The following SEZ6L variants were observed in gnomAD, a reference collection of about 807,000 sequenced individuals.
The protein encoded by SEZ6L is seizure 6-like protein.
SEZ6L carries 37 observed loss-of-function variants against 106.2 expected under a neutral mutation model. That is an observed-to-expected ratio of 0.35 (90% confidence interval 0.27 to 0.46). The LOEUF is 0.46. Ranked by LOEUF, SEZ6L falls within the 20% of genes least tolerant of loss-of-function variation. The probability of loss-of-function intolerance (pLI) is 1.00; values close to 1 mark genes in which losing one functional copy is unlikely to be tolerated. For missense variants in SEZ6L, 1,172 were observed against 1,332.8 expected, an observed-to-expected ratio of 0.88 and a Z score of 1.88; for synonymous variants, 541 against 570.4, an observed-to-expected ratio of 0.95 and a Z score of 0.73.
intron 9 of SEZ6L, among the ~76,000 whole-genome samples, chr22:26,321,907 C>T (rs888678245): frequency 6.6e-6 from 1 of 152,114 alleles, no homozygotes; most frequent in African/African-American, 2.4e-5. Flanking sequence ...TCTCCCTCTT[C>T]GTCTACTGGG....
At chr22:26,237,983 A>G (rs1569408050) in intron 1 of SEZ6L, among the ~76,000 whole-genome samples, 2 of 152,182 alleles carry the variant, frequency 1.3e-5, no homozygotes, top group African/African-American at 2.4e-5. Context: ...ATTTTCCACC[A>G]TCAAGCCTGC....
At chr22:26,349,398 G>T (rs2083198300) in intron 11 of SEZ6L, among the ~76,000 whole-genome samples, 1 of 152,192 alleles carries the variant, frequency 6.6e-6, no homozygotes, top group Non-Finnish European at 1.5e-5. Context: ...GTAGTAAAAT[G>T]ATAGAATAGA....
At chr22:26,303,736 C>G (rs1174202091) in intron 5 of SEZ6L, among the ~76,000 whole-genome samples, 1 of 152,156 alleles carries the variant, frequency 6.6e-6, no homozygotes, top group South Asian at 2.1e-4. Context: ...AGCAAACAAA[C>G]AAAAAGTAGT....
chr22:26,209,943 G>A (rs2078105509), intron 1 of SEZ6L, among the ~76,000 whole-genome samples: 1 of 109,218 alleles, frequency 9.2e-6, no homozygotes, highest in Non-Finnish European at 1.9e-5. Flanking sequence ...TGAATGGATG[G>A]CAAGAAGGAA....
chr22:26,201,453 C>T (rs1010400149), intron 1 of SEZ6L, among the ~76,000 whole-genome samples: 7 of 150,092 alleles, frequency 4.7e-5, no homozygotes, highest in African/African-American at 1.2e-4. Context: ...CCCAGCTACT[C>T]GGGAGGCTGA....
At chr22:26,201,382 C>CA (rs71192905) in intron 1 of SEZ6L, among the ~76,000 whole-genome samples, 42,044 of 75,578 alleles carry the variant, frequency 0.56, 10,774 homozygotes, top group Middle Eastern at 0.64. Flanking sequence ...TACAAAAATA[C>CA]AAAAAAAAAA....
At chr22:26,319,999 C>A (rs1219143541) in intron 9 of SEZ6L, among the ~76,000 whole-genome samples, 2 of 152,112 alleles carry the variant, frequency 1.3e-5, no homozygotes, top group Non-Finnish European at 2.9e-5. Context: ...ACATGGCCTC[C>A]ATTTTTTAGT....
intron 1 of SEZ6L, among the ~76,000 whole-genome samples, chr22:26,262,281 T>TATCTATCTATC (rs1354300821): frequency 6.6e-6 from 1 of 151,678 alleles, no homozygotes; most frequent in African/African-American, 2.4e-5. Context: ...TCTATCTATC[T>TATCTATCTATC]ATCTCTTTTA....
intron 12 of SEZ6L, chr22:26,351,580 T>G: frequency 4.9e-6 from 1 of 205,514 alleles, no homozygotes; most frequent in Non-Finnish European, 9.7e-6. Flanking sequence ...GGAATTCCAC[T>G]ATGTCACCCA....
intron 1 of SEZ6L, among the ~76,000 whole-genome samples, chr22:26,181,811 CA>C (rs1939417606): frequency 6.6e-6 from 1 of 152,070 alleles, no homozygotes; most frequent in African/African-American, 2.4e-5. Context: ...ATATCATTAT[CA>C]TTAAGTATGC....
intron 1 of SEZ6L, among the ~76,000 whole-genome samples, chr22:26,213,103 T>A (rs1436396952): frequency 6.6e-6 from 1 of 152,172 alleles, no homozygotes; most frequent in Non-Finnish European, 1.5e-5. Context: ...TTCCTCCCAC[T>A]AATAATGGTC....
chr22:26,197,590 C>T (rs1940663513), intron 1 of SEZ6L, among the ~76,000 whole-genome samples: 1 of 152,100 alleles, frequency 6.6e-6, no homozygotes. Flanking sequence ...TGGTGGCCTT[C>T]CAGGAAGACT....
chr22:26,274,147 G>C (rs1569436333), intron 1 of SEZ6L, among the ~76,000 whole-genome samples: 1 of 152,158 alleles, frequency 6.6e-6, no homozygotes, highest in Non-Finnish European at 1.5e-5. Flanking sequence ...ATATTGCTTT[G>C]AGCAAGTGAC....
intron 1 of SEZ6L, among the ~76,000 whole-genome samples, chr22:26,195,187 T>A (rs1940497384): frequency 1.3e-5 from 2 of 152,228 alleles, no homozygotes; most frequent in South Asian, 4.1e-4. Flanking sequence ...ACGTGCCACC[T>A]CAAACTCTCA....
chr22:26,367,045 A>G (rs1256770549), intron 13 of SEZ6L, among the ~76,000 whole-genome samples: 1 of 152,148 alleles, frequency 6.6e-6, no homozygotes, highest in Non-Finnish European at 1.5e-5. Flanking sequence ...ATATACATTT[A>G]CATACATACA....
rs778959669 is a variant in SEZ6L at position 26,299,110 on chromosome 22, T to C, written c.1289T>C (p.Met430Thr). The change falls in exon 5 of 17, where the codon ATG (methionine) becomes ACG (threonine). Residue 430 changes from methionine (M) to threonine (T), a missense_variant. Around this residue, in one of 4 missense-constraint regions of SEZ6L, gnomAD observed 534 missense variants for 691.0 expected, o/e 0.77. Coordinates refer to ENST00000248933, the MANE Select transcript of SEZ6L (RefSeq NM_021115.5). ...GGCTATGAGCTCCAGGGCGCTAAGA[T>C]GCTGACATGCATCAATGCCTCCAAG... is the stretch of plus-strand genomic sequence containing the variant. ...HLGYELQGAK[M>T]LTCINASKPH... is the part of the protein sequence containing the mutation. 4.4e-6 allele frequency: 7 copies of C among 1,604,308 alleles called. No individual in the cohort carries two copies. The South Asian group carries it at 6.7e-5, about 15-fold the overall frequency.
At chr22:26,239,367 G>A (rs1266507906) in intron 1 of SEZ6L, among the ~76,000 whole-genome samples, 5 of 152,226 alleles carry the variant, frequency 3.3e-5, no homozygotes, top group East Asian at 1.9e-4. Context: ...TAGCCAGCAA[G>A]TTCTTTGGAA....
At chr22:26,329,751 C>G (rs994257319) in intron 9 of SEZ6L, among the ~76,000 whole-genome samples, 7 of 152,188 alleles carry the variant, frequency 4.6e-5, no homozygotes, top group East Asian at 1.9e-4. Flanking sequence ...GTTTACTCCT[C>G]TATGGGATTC....
intron 10 of SEZ6L, among the ~76,000 whole-genome samples, chr22:26,343,514 A>G (rs908968817): frequency 3.9e-5 from 6 of 152,190 alleles, no homozygotes; most frequent in Non-Finnish European, 5.9e-5. Context: ...TTTATTTCAC[A>G]TCTTCAAATG....
Sources: allele counts gnomAD v4.1 joint callset (sites outside exome capture counted in the v4.1 genomes callset), GRCh38; gene constraint gnomAD v4.1.1; regional missense constraint gnomAD v4.1.1; transcripts MANE v1.5; gene names NCBI Gene and HGNC (gene_info 2026-07-23, HGNC 2026-07-21).